Variants in RSPH14 observed in about 807,000 individuals in gnomAD.
RSPH14 encodes the protein radial spoke head 14 homolog.
Under a neutral mutation model 26.7 loss-of-function variants are expected in RSPH14, and 20 were observed. The ratio of observed to expected loss-of-function variants is 0.75; its 90% CI spans 0.53 to 1.09. RSPH14 has a LOEUF of 1.09. RSPH14 is among the 50% of genes least tolerant of loss of function. The probability of loss-of-function intolerance (pLI) is 0.00; values close to 1 mark genes in which losing one functional copy is unlikely to be tolerated. For missense variants in RSPH14, 449 were observed against 457.2 expected (o/e 0.98, Z 0.16); for synonymous variants, 177 against 189.3 (o/e 0.93, Z 0.53).
chr22:23,155,851 A>C, the RSPH14 span: 2 of 870,114 alleles, frequency 2.3e-6, no homozygotes, highest in Non-Finnish European at 3.4e-6. Context: ...CCTGAAGCCC[A>C]TGCAGCTGGC....
At chr22:23,145,242 G>GGCCCC, upstream of RSPH14, 5 of 837,616 alleles carry the variant, frequency 6.0e-6, no homozygotes, top group Non-Finnish European at 5.6e-6. Flanking sequence ...GGCCTCCATA[G>GGCCCC]CCCCGCCCAC....
chr22:23,130,496 A>AAGAAAGAAATAAAGAAAGAAAG (rs67156030), intron 4 of RSPH14, among the ~76,000 whole-genome samples: 1 of 110,692 alleles, frequency 9.0e-6, no homozygotes, highest in African/African-American at 3.6e-5. Flanking sequence ...GAAGGAAAGA[A>AAGAAAGAAATAAAGAAAGAAAG]AAAGAAAGAA....
intron 4 of RSPH14, among the ~76,000 whole-genome samples, chr22:23,072,932 G>T (rs2068415461): frequency 6.6e-6 from 1 of 152,252 alleles, no homozygotes; most frequent in Non-Finnish European, 1.5e-5. Context: ...GGAATTTGCA[G>T]GTAACTGGAT....
the RSPH14 span, chr22:23,161,897 A>C: frequency 2.6e-5 from 8 of 311,674 alleles, no homozygotes; most frequent in South Asian, 7.4e-5. Flanking sequence ...AGAACTGCAA[A>C]CTCCTGCGTC....
intron 4 of RSPH14, among the ~76,000 whole-genome samples, chr22:23,107,585 C>T (rs2069518784): frequency 6.6e-6 from 1 of 152,088 alleles, no homozygotes; most frequent in Admixed American, 6.6e-5. Flanking sequence ...CTGCAGGTGG[C>T]AGCAGCTGGG....
At chr22:23,096,225 G>T (rs369848697) in intron 4 of RSPH14, 1 of 1,613,850 alleles carries the variant, frequency 6.2e-7, no homozygotes, top group Admixed American at 1.7e-5. Flanking sequence ...GACATCCTGC[G>T]CTCCCGGGAC....
At chr22:23,101,348 G>A (rs917977449) in intron 4 of RSPH14, among the ~76,000 whole-genome samples, 2 of 152,134 alleles carry the variant, frequency 1.3e-5, no homozygotes, top group South Asian at 4.1e-4. Context: ...GTGGGTGCTG[G>A]GGTTCTCCAG....
the RSPH14 span, among the ~76,000 whole-genome samples, chr22:23,166,151 A>T: frequency 9.8e-5 from 5 of 51,054 alleles, no homozygotes; most frequent in African/African-American, 1.8e-4. Context: ...GTCTTTTAAA[A>T]AAAAAAAAAA....
chr22:23,158,503 C>T, the RSPH14 span, among the ~76,000 whole-genome samples: 1 of 152,222 alleles, frequency 6.6e-6, no homozygotes, highest in East Asian at 1.9e-4. Context: ...TGCTGGGAAT[C>T]GGCCAGCTAC....
chr22:23,180,268 G>A, the RSPH14 span: 1 of 194,430 alleles, frequency 5.1e-6, no homozygotes, highest in Non-Finnish European at 1.1e-5. Flanking sequence ...ATGGACCAGG[G>A]AGTCCGGTGT....
intron 4 of RSPH14, among the ~76,000 whole-genome samples, chr22:23,068,438 A>T (rs1249857367): frequency 6.6e-6 from 1 of 152,258 alleles, no homozygotes; most frequent in East Asian, 1.9e-4. Context: ...TGAATCCTAG[A>T]ACTGTGCCTA....
At chr22:23,083,710 G>A (rs575658280) in intron 4 of RSPH14, among the ~76,000 whole-genome samples, 12 of 152,270 alleles carry the variant, frequency 7.9e-5, no homozygotes, top group East Asian at 7.7e-4. Context: ...AGGAGGAGCC[G>A]GCAGCCCTGA....
intron 3 of RSPH14, among the ~76,000 whole-genome samples, chr22:23,134,548 CAAAAAAA>C (rs59412175): frequency 8.1e-5 from 7 of 86,148 alleles, no homozygotes; most frequent in Admixed American, 5.1e-4. Flanking sequence ...AACTCCCAAC[CAAAAAAA>C]AAAAAAAAAA....
chr22:23,060,989 C>G (rs1419913936), intron 6 of RSPH14, among the ~76,000 whole-genome samples: 1 of 152,142 alleles, frequency 6.6e-6, no homozygotes, highest in African/African-American at 2.4e-5. Flanking sequence ...GCCCCTGCCA[C>G]CGTGCAGTCA....
At chr22:23,072,268 C>T (rs1053874337) in intron 4 of RSPH14, among the ~76,000 whole-genome samples, 20 of 152,052 alleles carry the variant, frequency 1.3e-4, no homozygotes, top group African/African-American at 4.6e-4. Flanking sequence ...GAGCAGTAAT[C>T]GTGGCAGCCT....
intron 4 of RSPH14, among the ~76,000 whole-genome samples, chr22:23,068,194 G>C (rs1003481429): frequency 1.3e-5 from 2 of 152,184 alleles, no homozygotes; most frequent in African/African-American, 4.8e-5. Context: ...CCCCGCCTTG[G>C]AACTCACTTC....
At chr22:23,067,849 C>T (rs1428025584) in intron 4 of RSPH14, among the ~76,000 whole-genome samples, 2 of 152,176 alleles carry the variant, frequency 1.3e-5, no homozygotes, top group African/African-American at 4.8e-5. Context: ...CACAGCAGAC[C>T]GTACACTGAA....
At chr22:23,130,139 GAAA>G (rs2070310054) in intron 4 of RSPH14, among the ~76,000 whole-genome samples, 1 of 110,730 alleles carries the variant, frequency 9.0e-6, no homozygotes. Flanking sequence ...AAGAAAGAAA[GAAA>G]GAAAGAAAGA....
At chr22:23,134,246 G>T in intron 3 of RSPH14, 102 bp from the exon 4 acceptor site, 1 of 804,070 alleles carries the variant, frequency 1.2e-6, no homozygotes, top group Non-Finnish European at 2.0e-6. Flanking sequence ...CATGCTATCT[G>T]GGGTAGACCA....
Sources: allele counts gnomAD v4.1 joint callset (sites outside exome capture counted in the v4.1 genomes callset), GRCh38; gene constraint gnomAD v4.1.1; transcripts MANE v1.5; gene names NCBI Gene and HGNC (gene_info 2026-07-23, HGNC 2026-07-21).